Variants in TMCO4 observed in about 807,000 individuals in gnomAD.
TMCO4 encodes the protein transmembrane and coiled-coil domains 4.
Under a neutral mutation model 64.7 loss-of-function variants are expected in TMCO4, and 58 were observed. The ratio of observed to expected loss-of-function variants is 0.90; its 90% CI spans 0.73 to 1.12. TMCO4 has a LOEUF of 1.12. TMCO4 is among the 50% of genes most tolerant of loss of function. The pLI is 0.00. For synonymous variants in TMCO4, 325 were observed against 346.1 expected, an observed-to-expected ratio of 0.94 and a Z score of 0.68; for missense variants, 780 against 825.9, an observed-to-expected ratio of 0.94 and a Z score of 0.68.
At chr1:19,778,392 G>A (rs927496661) in intron 4 of TMCO4, among the ~76,000 whole-genome samples, 8 of 152,052 alleles carry the variant, frequency 5.3e-5, no homozygotes, top group Non-Finnish European at 7.4e-5. Context: ...TCCTGCCTCA[G>A]CCTCCTGAGT....
At chr1:19,691,609 T>G (rs2095195531) in intron 15 of TMCO4, among the ~76,000 whole-genome samples, 1 of 151,908 alleles carries the variant, frequency 6.6e-6, no homozygotes, top group South Asian at 2.1e-4. Context: ...AGTGGTGGAG[T>G]GATCAGAACA....
chr1:19,709,289 G>GGC (rs1553129857), intron 13 of TMCO4, among the ~76,000 whole-genome samples: 1 of 144,152 alleles, frequency 6.9e-6, no homozygotes, highest in Non-Finnish European at 1.5e-5. Context: ...ATCCCGGCGG[G>GGC]GGGGGGGGAC....
chr1:19,758,058 T>C (rs1045233270), intron 6 of TMCO4, among the ~76,000 whole-genome samples: 1 of 152,236 alleles, frequency 6.6e-6, no homozygotes, highest in Admixed American at 6.5e-5. Flanking sequence ...AAATAGGGTT[T>C]CCTGAGTTCT....
intron 6 of TMCO4, among the ~76,000 whole-genome samples, chr1:19,769,303 G>A (rs2235653): frequency 0.18 from 27,088 of 152,134 alleles, 2,661 homozygotes; most frequent in East Asian, 0.35. Flanking sequence ...GAATGGTACC[G>A]GGGGCAGCCC....
At position 19,682,330 on chromosome 1, in the gene TMCO4, C is replaced by G; in HGVS notation, c.*710G>C. The G allele has an allele frequency of 3.0e-6, 1 of 335,920 alleles. No individual in the cohort carries two copies. The highest frequency in any genetic ancestry group is 5.5e-6 in the Non-Finnish European group (1 of 181,218). The allele number at this position is 335,920 out of a possible 1,614,324, so 20.8% of individuals were successfully genotyped here. On this transcript the variant is annotated 3_prime_UTR_variant, in exon 16 of 16. Coordinates refer to ENST00000294543, the MANE Select transcript of TMCO4 (RefSeq NM_181719.7). ...TGTAAAATTCATTCTTGTCCCCAGG[C>G]CTAGTTCACAGCCATACTGAATGCA...
chr1:19,721,587 G>C (rs1013952119), intron 13 of TMCO4, among the ~76,000 whole-genome samples: 1 of 152,072 alleles, frequency 6.6e-6, no homozygotes, highest in East Asian at 1.9e-4. Flanking sequence ...TCAGGAGTTC[G>C]AGACCAGTCT....
At chr1:19,736,635 T>C (rs1454125651) in intron 13 of TMCO4, among the ~76,000 whole-genome samples, 1 of 150,492 alleles carries the variant, frequency 6.6e-6, no homozygotes, top group Non-Finnish European at 1.5e-5. Context: ...CTGACAGATC[T>C]GTCCAAAACC....
intron 15 of TMCO4, among the ~76,000 whole-genome samples, chr1:19,689,142 G>A (rs1348580076): frequency 6.6e-6 from 1 of 152,180 alleles, no homozygotes; most frequent in South Asian, 2.1e-4. Context: ...GCAGAGGGTG[G>A]CCAGCATTTC....
chr1:19,719,880 C>T (rs1248611112), intron 13 of TMCO4, among the ~76,000 whole-genome samples: 1 of 152,100 alleles, frequency 6.6e-6, no homozygotes, highest in South Asian at 2.1e-4. Flanking sequence ...GTAGTCCCAG[C>T]TACTTGGGAG....
At position 19,732,031 on chromosome 1, in the gene TMCO4, C is replaced by T. The variant is rs2095432249; in HGVS notation, c.1264+5341G>A. On this transcript the variant is annotated intron_variant, in intron 13 of 15. Coordinates refer to ENST00000294543, the MANE Select transcript of TMCO4 (RefSeq NM_181719.7). The surrounding 1 kb of genome is among the most constrained non-coding windows in gnomAD (Gnocchi z 4.8). Reference sequence around the variant, plus strand: ...GAGCTGCTGTGAAGGCCGGCATGGACAGCGGGGGTTTTAAACTGAGCGGGG... The same window carrying T: ...GAGCTGCTGTGAAGGCCGGCATGGATAGCGGGGGTTTTAAACTGAGCGGGG... Among the ~76,000 whole-genome samples, 1 of 152,218 alleles carries T rather than the reference C, an allele frequency of 6.6e-6. No individual in the cohort carries two copies. Among genetic ancestry groups the T allele is most frequent in the South Asian group, 2.1e-4 (1 of 4,830 alleles).
intron 7 of TMCO4, among the ~76,000 whole-genome samples, chr1:19,750,960 G>T (rs1388444028): frequency 6.6e-6 from 1 of 152,224 alleles, no homozygotes; most frequent in Non-Finnish European, 1.5e-5. Flanking sequence ...ATCACCAGGA[G>T]GTACTTGTTA....
At chr1:19,759,101 C>CAAAAAAAA in intron 6 of TMCO4, among the ~76,000 whole-genome samples, 1 of 21,178 alleles carries the variant, frequency 4.7e-5, no homozygotes, top group Non-Finnish European at 1.1e-4. Flanking sequence ...GACTCGGTCT[C>CAAAAAAAA]AAAAAAAAAA....
At chr1:19,792,117 AC>A (rs967422909) in intron 2 of TMCO4, among the ~76,000 whole-genome samples, 8 of 152,140 alleles carry the variant, frequency 5.3e-5, no homozygotes, top group African/African-American at 1.4e-4. Context: ...CGTCCATTAA[AC>A]ATCTTTTTCT....
At chr1:19,744,771 C>T (rs945695130) in intron 10 of TMCO4, among the ~76,000 whole-genome samples, 4 of 152,166 alleles carry the variant, frequency 2.6e-5, no homozygotes, top group Non-Finnish European at 4.4e-5. Context: ...ATGTCACTTC[C>T]TTCAGAACCT....
At chr1:19,792,314 C>T (rs2044085720) in intron 2 of TMCO4, among the ~76,000 whole-genome samples, 1 of 152,164 alleles carries the variant, frequency 6.6e-6, no homozygotes, top group East Asian at 1.9e-4. Flanking sequence ...ACAGCCCAGA[C>T]CTGGGATGGA....
chr1:19,740,170 G>A (rs932846421), intron 11 of TMCO4, among the ~76,000 whole-genome samples: 6 of 152,146 alleles, frequency 3.9e-5, no homozygotes, highest in Non-Finnish European at 5.9e-5. Flanking sequence ...CCCTTGTCAC[G>A]TGTGAGATGG....
intron 13 of TMCO4, among the ~76,000 whole-genome samples, chr1:19,705,706 G>A (rs1331399250): frequency 6.6e-6 from 1 of 151,744 alleles, no homozygotes; most frequent in Non-Finnish European, 1.5e-5. Flanking sequence ...CCACCTGACT[G>A]TTCCTAGAAC....
intron 15 of TMCO4, among the ~76,000 whole-genome samples, chr1:19,687,849 C>A (rs1325182518): frequency 6.6e-6 from 1 of 152,064 alleles, no homozygotes; most frequent in African/African-American, 2.4e-5. Flanking sequence ...CAGCTCTGGC[C>A]CTCCTCGACT....
chr1:19,689,116 T>G (rs572919595), intron 15 of TMCO4, among the ~76,000 whole-genome samples: 51 of 152,244 alleles, frequency 3.3e-4, no homozygotes, highest in African/African-American at 1.2e-3. Context: ...ACAGGTCCTG[T>G]GGGTCTCTGT....
Sources: gnomAD v4.1 joint callset for allele counts (sites outside exome capture counted in the v4.1 genomes callset) on GRCh38, gnomAD v4.1.1 for gene constraint, Gnocchi (gnomAD v3.1) non-coding constraint, MANE v1.5 for transcripts, NCBI Gene and HGNC (gene_info 2026-07-23, HGNC 2026-07-21) for gene names.